PDE6B: variants seen among roughly 807,000 people sequenced by gnomAD.
PDE6B encodes the protein rod cGMP-specific 3',5'-cyclic phosphodiesterase subunit beta.
PDE6B carries 106 observed loss-of-function variants against 109.0 expected under a neutral mutation model. The ratio of observed to expected loss-of-function variants is 0.97; its 90% CI spans 0.83 to 1.14. The LOEUF is 1.14. Ranked by LOEUF, PDE6B falls within the 50% of genes most tolerant of loss-of-function variation. PDE6B has a pLI of 0.00. For synonymous variants in PDE6B, 490 were observed against 471.3 expected, an observed-to-expected ratio of 1.04 and a Z score of -0.51; for missense variants, 1,193 against 1,155.6, an observed-to-expected ratio of 1.03 and a Z score of -0.47.
intron 9 of PDE6B, 128 bp from the exon 10 acceptor site, chr4:657,223 A>G: frequency 8.2e-7 from 1 of 1,221,452 alleles, no homozygotes; most frequent in Non-Finnish European, 1.2e-6. Context: ...GACCCCACAC[A>G]GAAGCACTGC....
Position 656,772 on chromosome 4 carries a change from C to G in PDE6B, c.1108-102C>G, listed in dbSNP as rs1736311557. 13 of 1,088,762 alleles carry G rather than the reference C, an allele frequency of 1.2e-5. No individual in the cohort carries two copies. In the South Asian group the frequency reaches 1.5e-4, roughly 13 times the overall value. The allele number at this position is 1,088,762 out of a possible 1,614,324, so 67.4% of individuals were successfully genotyped here. ...GAGACAGGAACACGAGCCCAGCCGT[C>G]ACGGCTCTAGGGGAGAAGACATGAG... On this transcript the variant is annotated intron_variant, in intron 8 of 21. Transcript: ENST00000496514.
chr4:654,206 G>GGAGTTGGAGTCAGGGAA, intron 5 of PDE6B, 52 bp downstream of exon 5: 2 of 1,490,268 alleles, frequency 1.3e-6, no homozygotes, highest in Non-Finnish European at 1.9e-6. Context: ...CTGTTTCCCT[G>GGAGTTGGAGTCAGGGAA]ACTCCAACTC....
intron 21 of PDE6B, among the ~76,000 whole-genome samples, chr4:668,530 C>T (rs1331740095): frequency 7.1e-6 from 1 of 140,946 alleles, no homozygotes; most frequent in Non-Finnish European, 1.6e-5. Context: ...TACCACTACC[C>T]CATGCTATTC....
chr4:658,224 C>T (rs1228215929), intron 10 of PDE6B, among the ~76,000 whole-genome samples: 2 of 136,652 alleles, frequency 1.5e-5, no homozygotes, highest in East Asian at 2.3e-4. Context: ...GGGCAGGTCA[C>T]CCAGGGGTCA....
At chr4:652,603 A>G in intron 3 of PDE6B, 1 of 497,570 alleles carries the variant, frequency 2.0e-6, no homozygotes, top group Middle Eastern at 9.9e-4. Flanking sequence ...AAAGTTTTAA[A>G]TTAAAAATAA....
At chr4:664,369 C>A (rs1028021659) in intron 17 of PDE6B, 148 bp downstream of exon 17, 3 of 691,974 alleles carry the variant, frequency 4.3e-6, no homozygotes, top group African/African-American at 1.8e-5. Context: ...GAAACAAATG[C>A]GCCGTCCTTA....
At position 653,871 on chromosome 4, in the gene PDE6B, A is replaced by T. The variant is rs2109192049; in HGVS notation, c.731A>T (p.Asn244Ile). Residue 244 changes from asparagine to isoleucine, a missense_variant, in exon 4 of 22, where the codon AAC becomes ATC. Asn to Ile is a moderately radical substitution (Grantham distance 149, BLOSUM62 -3). Coordinates refer to ENST00000496514, the MANE Select transcript of PDE6B (RefSeq NM_000283.4). ...CTCCAGGTGCTGCTGTGGTCGGCCA[A>T]CAAGGTGTTTGAGGAGCTGACGGAC... ...RRGQVLLWSA[N>I]KVFEELTDIE... is the part of the protein sequence containing the mutation. The T allele has an allele frequency of 6.2e-7, 1 of 1,613,780 alleles. No homozygotes were observed.
intron 1 of PDE6B, among the ~76,000 whole-genome samples, chr4:628,455 G>A (rs114801362): frequency 0.022 from 3,395 of 152,264 alleles, 40 homozygotes; most frequent in Middle Eastern, 0.041. Context: ...CGGGCCACCC[G>A]GAGTCTCGCC....
At chr4:653,084 G>A in intron 3 of PDE6B, 1 of 710,618 alleles carries the variant, frequency 1.4e-6, no homozygotes, top group African/African-American at 1.9e-5. Context: ...ACTGCCCTTG[G>A]CAACAGGAGA....
intron 3 of PDE6B, among the ~76,000 whole-genome samples, chr4:638,909 T>A (rs1734817139): frequency 1.3e-5 from 2 of 152,172 alleles, no homozygotes. Flanking sequence ...CTGAGGCTTG[T>A]GTCTGACCCA....
chr4:665,204 C>T lies in PDE6B; in HGVS notation c.2194-51C>T, dbSNP rs1208735622. ...GAGCCTCACGGGGCGGGCCCGGGCC[C>T]TTCCGCGTGGGCTCAGAGCTCCACA... On this transcript the variant is annotated intron_variant, in intron 18 of 21. Transcript: ENST00000496514. The surrounding 1 kb of genome is among the most constrained non-coding windows in gnomAD (Gnocchi z 4.0). 2.8e-6 allele frequency: 4 copies of T among 1,421,764 alleles called. No individual in the cohort carries two copies. The highest frequency in any genetic ancestry group is 4.0e-6 in the Non-Finnish European group (4 of 1,011,270). The allele number at this position is 1,421,764 out of a possible 1,614,324, so 88.1% of individuals were successfully genotyped here.
rs1254425444 is a variant in PDE6B, at chr4:667,951, C to G, written c.2448C>G (p.Ala816=). 1 of 1,613,150 alleles carries G rather than the reference C, an allele frequency of 6.2e-7. No homozygotes were observed. The highest frequency in any genetic ancestry group is 2.2e-5 in the East Asian group (1 of 44,878). Reference sequence around the variant, plus strand: ...AGGCGCTGGCTGATGAGTATGAGGCCAAAGTGAAGGCTCTGGAGGAGAAGG... The same window carrying G: ...AGGCGCTGGCTGATGAGTATGAGGCGAAAGTGAAGGCTCTGGAGGAGAAGG... ...EWKALADEYE[A]KVKALEEKEE... The change falls in exon 21 of 22, where the codon GCC becomes GCG. Residue 816 remains alanine, a synonymous_variant. Coordinates refer to ENST00000496514, the MANE Select transcript of PDE6B (RefSeq NM_000283.4).
Position 662,069 on chromosome 4 carries a change from A to G in PDE6B, c.1615-65A>G. 1.3e-6 allele frequency: 1 copy of G among 776,266 alleles called. No individual in the cohort carries two copies. The allele number at this position is 776,266 out of a possible 1,614,324, so 48.1% of individuals were successfully genotyped here. On this transcript the variant is annotated intron_variant, in intron 12 of 21. Coordinates refer to ENST00000496514, the MANE Select transcript of PDE6B (RefSeq NM_000283.4). The surrounding 1 kb of genome is among the most constrained non-coding windows in gnomAD (Gnocchi z 4.3). ...GGGCTTCCACTGTGAAGTCAGCCAC[A>G]GGTGCCGCTCTGGCGGGACTTACAC...
At chr4:627,697 C>T (rs566946775) in intron 1 of PDE6B, among the ~76,000 whole-genome samples, 5 of 151,082 alleles carry the variant, frequency 3.3e-5, no homozygotes, top group Admixed American at 1.3e-4. Flanking sequence ...CTCCTGCCAC[C>T]CTCCTCCCTC....
intron 1 of PDE6B, among the ~76,000 whole-genome samples, chr4:632,479 C>G (rs982151462): frequency 2.0e-5 from 3 of 150,920 alleles, no homozygotes; most frequent in African/African-American, 7.3e-5. Flanking sequence ...TGCGTGGCAG[C>G]ATCTCTGGAT....
chr4:628,427 G>T (rs1031740757), intron 1 of PDE6B, among the ~76,000 whole-genome samples: 1 of 152,138 alleles, frequency 6.6e-6, no homozygotes, highest in Non-Finnish European at 1.5e-5. Context: ...GGGCCACCCG[G>T]AGTCTCACCC....
rs376565684 is a variant in PDE6B, at chr4:641,109, C to T, written c.711+5140C>T. Among the ~76,000 whole-genome samples, 15 of 152,316 alleles carry T rather than the reference C, an allele frequency of 9.8e-5. No individual in the cohort carries two copies. In the South Asian group the frequency reaches 3.1e-3, roughly 32 times the overall value. ...TATTGTAATTGGGACTGTATTAAATCTGTAGATCAAGTTGGGAAAAATTGC... is the reference window on the plus strand; with the variant it reads ...TATTGTAATTGGGACTGTATTAAATTTGTAGATCAAGTTGGGAAAAATTGC... On this transcript the variant is annotated intron_variant, in intron 3 of 21. Coordinates refer to ENST00000496514, the MANE Select transcript of PDE6B (RefSeq NM_000283.4).
intron 3 of PDE6B, among the ~76,000 whole-genome samples, chr4:642,725 C>CAAAAAAAAAAAAAAAAAAAA (rs71636506): frequency 5.1e-4 from 22 of 43,334 alleles, no homozygotes; most frequent in African/African-American, 2.0e-3. Flanking sequence ...GACACTGTCT[C>CAAAAAAAAAAAAAAAAAAAA]AAAAAAAAAA....
intron 3 of PDE6B, among the ~76,000 whole-genome samples, chr4:650,198 C>A (rs1735433253): frequency 6.6e-6 from 1 of 152,224 alleles, no homozygotes; most frequent in Admixed American, 6.5e-5. Flanking sequence ...CCAGGGCGGG[C>A]CTCCAGCCAC....
Sources: allele counts gnomAD v4.1 joint callset (sites outside exome capture counted in the v4.1 genomes callset), GRCh38; gene constraint gnomAD v4.1.1; non-coding constraint Gnocchi (gnomAD v3.1); transcripts MANE v1.5; gene names NCBI Gene and HGNC (gene_info 2026-07-23, HGNC 2026-07-21).